SCFD1: variants seen among roughly 807,000 people sequenced by gnomAD.
The protein encoded by SCFD1 is sec1 family domain-containing protein 1.
In SCFD1, 37 loss-of-function variants were observed where a neutral mutation model predicts 103.2. That is an observed-to-expected ratio of 0.36 (90% CI 0.28 to 0.47). The LOEUF is 0.47. Among genes scored for constraint, SCFD1 ranks in the 20% least tolerant of loss-of-function variants. The pLI, the probability that SCFD1 is intolerant of heterozygous loss-of-function variation, is 1.00. For missense variants in SCFD1, 639 were observed against 761.2 expected, an observed-to-expected ratio of 0.84 and a Z score of 1.89; for synonymous variants, 264 against 245.0, an observed-to-expected ratio of 1.08 and a Z score of -0.73.
Position 30,721,583 on chromosome 14 carries a change from C to T in SCFD1, c.1737-301C>T, listed in dbSNP as rs1471805802. 1.9e-5 allele frequency: 6 copies of T among 318,464 alleles called. No individual in the cohort carries two copies. The East Asian group carries it at 4.2e-4, about 22-fold the overall frequency. The allele number at this position is 318,464 out of a possible 1,614,324, so 19.7% of individuals were successfully genotyped here. Reference sequence around the variant, plus strand: ...ATGCCTTATCCATTCACCACAAACCCAGACTTACGCTCCTCCTCGTGGGAG... The same window carrying T: ...ATGCCTTATCCATTCACCACAAACCTAGACTTACGCTCCTCCTCGTGGGAG... On this transcript the variant is annotated intron_variant, in intron 21 of 24. Coordinates refer to ENST00000458591, the MANE Select transcript of SCFD1 (RefSeq NM_016106.4).
intron 9 of SCFD1, among the ~76,000 whole-genome samples, chr14:30,651,431 C>G (rs1307328345): frequency 6.6e-6 from 1 of 152,098 alleles, no homozygotes; most frequent in Non-Finnish European, 1.5e-5. Flanking sequence ...CACACTAACA[C>G]TGTGTTTCAA....
chr14:30,660,975 T>C (rs1176505124), intron 10 of SCFD1, among the ~76,000 whole-genome samples: 2 of 152,180 alleles, frequency 1.3e-5, no homozygotes, highest in African/African-American at 4.8e-5. Flanking sequence ...AGCCTCTGGT[T>C]CCTTTGAGTA....
At chr14:30,677,871 C>G (rs1422391504) in intron 14 of SCFD1, among the ~76,000 whole-genome samples, 2 of 106,196 alleles carry the variant, frequency 1.9e-5, no homozygotes, top group Non-Finnish European at 3.4e-5. Flanking sequence ...GACAGAGTCT[C>G]ACTCTGTCAC....
At chr14:30,630,888 A>G (rs34935871) in intron 3 of SCFD1, 60,651 of 247,066 alleles carry the variant, frequency 0.25, 8,429 homozygotes, top group East Asian at 0.58. Context: ...TTGACCTACA[A>G]TGGGGTTACA....
At chr14:30,703,907 T>C (rs564370162) in intron 17 of SCFD1, among the ~76,000 whole-genome samples, 82 of 80,550 alleles carry the variant, frequency 1.0e-3, no homozygotes, top group Non-Finnish European at 1.9e-3. Context: ...TTGGGAATAT[T>C]TGCATATATA....
intron 10 of SCFD1, among the ~76,000 whole-genome samples, chr14:30,666,843 C>A (rs2030157183): frequency 6.6e-6 from 1 of 152,138 alleles, no homozygotes. Context: ...CCTCCCAAGA[C>A]TAAACTGGGA....
intron 7 of SCFD1, chr14:30,643,905 G>A (rs1160933704): frequency 4.4e-6 from 2 of 454,690 alleles, no homozygotes; most frequent in African/African-American, 4.0e-5. Context: ...GTGCAAGTTT[G>A]TTACATGGGT....
chr14:30,701,806 G>A (rs1266746674), intron 16 of SCFD1, among the ~76,000 whole-genome samples: 1 of 151,150 alleles, frequency 6.6e-6, no homozygotes, highest in Non-Finnish European at 1.5e-5. Flanking sequence ...GAGTAAGGAA[G>A]AGTGAAAAAA....
intron 14 of SCFD1, among the ~76,000 whole-genome samples, chr14:30,694,539 G>C (rs1409024811): frequency 6.6e-6 from 1 of 152,018 alleles, no homozygotes; most frequent in Non-Finnish European, 1.5e-5. Flanking sequence ...TTAGCCAGGT[G>C]TGGTGACACA....
intron 3 of SCFD1, among the ~76,000 whole-genome samples, chr14:30,631,797 G>C (rs1884161242): frequency 6.6e-6 from 1 of 152,092 alleles, no homozygotes; most frequent in South Asian, 2.1e-4. Flanking sequence ...AGTAATCCTA[G>C]CACTTCTGGA....
chr14:30,726,413 AT>A (rs1183815209), intron 23 of SCFD1, among the ~76,000 whole-genome samples: 1 of 152,172 alleles, frequency 6.6e-6, no homozygotes, highest in Non-Finnish European at 1.5e-5. Flanking sequence ...TTGCTCATTC[AT>A]TTGGTCATAG....
intron 14 of SCFD1, among the ~76,000 whole-genome samples, chr14:30,693,257 C>T (rs1890446846): frequency 6.6e-6 from 1 of 152,082 alleles, no homozygotes. Flanking sequence ...TATTAGAATA[C>T]AGACTCTGCT....
intron 10 of SCFD1, 68 bp from the exon 11 acceptor site, chr14:30,670,188 G>C: frequency 7.8e-7 from 1 of 1,276,790 alleles, no homozygotes; most frequent in African/African-American, 1.5e-5. Flanking sequence ...ACATTAGAAA[G>C]GGCAACAAGA....
chr14:30,733,799 A>G (rs575383788), intron 23 of SCFD1, among the ~76,000 whole-genome samples: 2 of 152,244 alleles, frequency 1.3e-5, no homozygotes, highest in African/African-American at 4.8e-5. Context: ...ATGCAGCCCA[A>G]TTTTGCCTAC....
chr14:30,639,224 C>T (rs1391656366), intron 5 of SCFD1, among the ~76,000 whole-genome samples: 1 of 152,118 alleles, frequency 6.6e-6, no homozygotes, highest in African/African-American at 2.4e-5. Context: ...TGGCCTCAAA[C>T]AGTCCTCCCA....
intron 10 of SCFD1, among the ~76,000 whole-genome samples, chr14:30,654,690 GGAAAT>G (rs1886731816): frequency 1.4e-5 from 2 of 145,984 alleles, no homozygotes; most frequent in South Asian, 4.3e-4. Flanking sequence ...AAAAAAAAAA[GGAAAT>G]GAAAGACATG....
rs148117207 is a variant in SCFD1, at chr14:30,692,086, A to G, written c.1243-2687A>G. Among the ~76,000 whole-genome samples the G allele has an allele frequency of 2.7e-3, 406 of 152,182 alleles. 4 individuals are homozygous for G. The highest frequency in any genetic ancestry group is 8.4e-3 in the African/African-American group (347 of 41,516). On this transcript the variant is annotated intron_variant, in intron 14 of 24. Coordinates refer to ENST00000458591, the MANE Select transcript of SCFD1 (RefSeq NM_016106.4). ...CAGGAATGTGCCACTGCACCTTAGC[A>G]TACTGAGTTTTACATATGCAGTCAC...
At chr14:30,695,838 C>T (rs1890661698) in intron 15 of SCFD1, among the ~76,000 whole-genome samples, 1 of 152,070 alleles carries the variant, frequency 6.6e-6, no homozygotes, top group Non-Finnish European at 1.5e-5. Context: ...CACAACTGCA[C>T]TCCAGCCTGG....
intron 15 of SCFD1, among the ~76,000 whole-genome samples, chr14:30,698,076 G>A (rs77824509): frequency 1.4e-4 from 22 of 152,284 alleles, no homozygotes; most frequent in Non-Finnish European, 1.6e-4. Flanking sequence ...TGACATTTGG[G>A]GGTAATGGGA....
Sources: allele counts gnomAD v4.1 joint callset (sites outside exome capture counted in the v4.1 genomes callset), GRCh38; gene constraint gnomAD v4.1.1; transcripts MANE v1.5; gene names NCBI Gene and HGNC (gene_info 2026-07-23, HGNC 2026-07-21).